SCP2: variants seen among roughly 807,000 people sequenced by gnomAD.
The protein encoded by SCP2 is sterol carrier protein 2.
SCP2 carries 48 observed loss-of-function variants against 71.4 expected under a neutral mutation model. The observed-to-expected ratio is 0.67, with a 90% CI of 0.53 to 0.86. The LOEUF (loss-of-function observed/expected upper bound fraction) is 0.86, where lower values mean the gene tolerates loss of function less well. Among genes scored for constraint, SCP2 ranks in the 40% least tolerant of loss-of-function variants. The probability of loss-of-function intolerance (pLI) is 0.00; values close to 1 mark genes in which losing one functional copy is unlikely to be tolerated. For synonymous variants in SCP2, 220 were observed against 218.1 expected, an observed-to-expected ratio of 1.01 and a Z score of -0.08; for missense variants, 560 against 655.6, an observed-to-expected ratio of 0.85 and a Z score of 1.59.
chr1:53,042,155 TA>T (rs2150268836), intron 14 of SCP2, among the ~76,000 whole-genome samples: 2 of 151,096 alleles, frequency 1.3e-5, no homozygotes, highest in South Asian at 4.4e-4. Context: ...AAAATGGCCA[TA>T]GCTTTGCATT....
chr1:53,034,059 T>C (rs2150254180), intron 13 of SCP2, among the ~76,000 whole-genome samples: 1 of 152,000 alleles, frequency 6.6e-6, no homozygotes. Flanking sequence ...AGGTCAGGAG[T>C]TTGAGACCAG....
At chr1:53,016,404 A>G (rs1230847644) in intron 12 of SCP2, among the ~76,000 whole-genome samples, 1 of 151,932 alleles carries the variant, frequency 6.6e-6, no homozygotes, top group Non-Finnish European at 1.5e-5. Flanking sequence ...AGTCTCTCAT[A>G]TGTTTATTGA....
chr1:52,974,784 AC>A lies in SCP2; in HGVS notation c.540del (p.Phe181LeufsTer26), dbSNP rs1472947792. The A allele has an allele frequency of 6.5e-7, 1 of 1,544,668 alleles. No individual in the cohort carries two copies. Among genetic ancestry groups the A allele is most frequent in the Non-Finnish European group, 9.0e-7 (1 of 1,116,746 alleles). Reference protein sequence around the residue: ...HMEKYGTKIEHFAKIGWKNHK... With the variant: ...HMEKYGTKIEXFAKIGWKNHK... ...TTCTTTACAGGAACAAAAATTGAAC[AC>A]TTTGCAAAAATTGGATGGAAAAATC... On this transcript the variant is annotated frameshift_variant, in exon 7 of 16. Transcript: ENST00000371514. LOFTEE classifies it high-confidence loss of function.
chr1:53,013,882 CTTTTTTTTTTTTTTTT>C (rs71044449), intron 11 of SCP2, among the ~76,000 whole-genome samples: 3,108 of 63,104 alleles, frequency 0.049, 100 homozygotes, highest in Middle Eastern at 0.083. Context: ...ATAGAACATT[CTTTTTTTTTTTTTTTT>C]TTTTTTTTTT....
intron 10 of SCP2, among the ~76,000 whole-genome samples, chr1:52,986,593 A>T (rs1433567403): frequency 6.6e-6 from 1 of 152,228 alleles, no homozygotes; most frequent in African/African-American, 2.4e-5. Flanking sequence ...ATTAGCTGAG[A>T]ACACAGGCTG....
At chr1:52,974,732 A>G (rs1222833025) in intron 6 of SCP2, 37 bp from the exon 7 acceptor site, 3 of 1,052,162 alleles carry the variant, frequency 2.9e-6, no homozygotes, top group Non-Finnish European at 3.0e-6. Flanking sequence ...CAGCGGAAAA[A>G]CATTCACCCA....
intron 12 of SCP2, among the ~76,000 whole-genome samples, chr1:53,019,285 G>A (rs1265272070): frequency 1.3e-5 from 2 of 152,056 alleles, no homozygotes; most frequent in African/African-American, 4.8e-5. Context: ...CTTATTAACT[G>A]GCATTATTCT....
At chr1:52,993,187 G>T in intron 11 of SCP2, 1 of 1,613,712 alleles carries the variant, frequency 6.2e-7, no homozygotes, top group African/African-American at 1.3e-5. Context: ...AGCTAAAACT[G>T]AAGGGATTCT....
chr1:52,936,783 C>T (rs1320359673), intron 1 of SCP2, among the ~76,000 whole-genome samples: 2 of 151,844 alleles, frequency 1.3e-5, no homozygotes, highest in Non-Finnish European at 1.5e-5. Context: ...CTGTAAGAAT[C>T]GGGATAGTAA....
chr1:52,953,562 T>C (rs761825174), intron 4 of SCP2, among the ~76,000 whole-genome samples: 1 of 151,986 alleles, frequency 6.6e-6, no homozygotes, highest in African/African-American at 2.4e-5. Context: ...CCCAGACTGG[T>C]CTTGAACTCC....
At chr1:52,927,674 C>G (rs530659683) in intron 1 of SCP2, among the ~76,000 whole-genome samples, 55 of 152,316 alleles carry the variant, frequency 3.6e-4, no homozygotes, top group African/African-American at 1.3e-3. Context: ...CCCTTTTCTT[C>G]TGGTCAGAGT....
Position 53,050,609 on chromosome 1 carries a change from G to A in SCP2, c.1549G>A (p.Ala517Thr). The change falls in exon 16 of 16, where the codon GCC becomes ACC. Residue 517 changes from alanine (A) to threonine (T), a missense_variant and splice_region_variant. By Grantham distance (58) the Ala-to-Thr change is moderately conservative. Coordinates refer to ENST00000371514, the MANE Select transcript of SCP2 (RefSeq NM_002979.5). ...AATGAATTTTCTTTCTTCTTCACAG[G>A]CCTTCTTTCAAGGCAAATTGAAAAT... ...LMTGKMNPQS[A>T]FFQGKLKITG... 3.1e-6 allele frequency: 5 copies of A among 1,607,518 alleles called. No homozygotes were observed. Among genetic ancestry groups the A allele is most frequent in the Non-Finnish European group, 4.3e-6 (5 of 1,174,262 alleles).
chr1:52,987,008 T>TATATATATATA (rs1410912982), intron 10 of SCP2, among the ~76,000 whole-genome samples: 12 of 68,222 alleles, frequency 1.8e-4, no homozygotes, highest in East Asian at 1.5e-3. Context: ...ATATATATAT[T>TATATATATATA]TTTTTTTTTT....
At chr1:53,026,652 T>A (rs1450583949) in intron 12 of SCP2, among the ~76,000 whole-genome samples, 1 of 151,932 alleles carries the variant, frequency 6.6e-6, no homozygotes, top group Non-Finnish European at 1.5e-5. Flanking sequence ...CTACAAAAAA[T>A]TTGAAAAATT....
At chr1:52,943,853 C>T (rs1654515786) in intron 2 of SCP2, 5 of 445,656 alleles carry the variant, frequency 1.1e-5, no homozygotes, top group South Asian at 3.7e-5. Context: ...CACACTCTTG[C>T]GAGCAGCTTT....
intron 11 of SCP2, chr1:52,994,835 A>C: frequency 2.0e-6 from 1 of 511,246 alleles, no homozygotes. Flanking sequence ...AGCACCTAAC[A>C]TGGGGACAGC....
At chr1:52,929,030 AG>A (rs1240342039) in intron 1 of SCP2, among the ~76,000 whole-genome samples, 2 of 152,020 alleles carry the variant, frequency 1.3e-5, no homozygotes, top group African/African-American at 4.8e-5. Context: ...TGGGAGGTAG[AG>A]GTCGGGGAGG....
At chr1:52,984,954 C>T (rs1412506415) in intron 10 of SCP2, among the ~76,000 whole-genome samples, 1 of 151,814 alleles carries the variant, frequency 6.6e-6, no homozygotes, top group African/African-American at 2.4e-5. Context: ...ATTCTCCTGC[C>T]TCAGCCTCCC....
chr1:52,983,476 C>T (rs1658705031), intron 10 of SCP2, among the ~76,000 whole-genome samples: 1 of 152,128 alleles, frequency 6.6e-6, no homozygotes, highest in Non-Finnish European at 1.5e-5. Context: ...TGGATATTGT[C>T]CCATAGGTCC....
Sources: allele counts gnomAD v4.1 joint callset (sites outside exome capture counted in the v4.1 genomes callset), GRCh38; gene constraint gnomAD v4.1.1; transcripts MANE v1.5; gene names NCBI Gene and HGNC (gene_info 2026-07-23, HGNC 2026-07-21).